Variants in ZCWPW2 observed in about 807,000 individuals in gnomAD.
ZCWPW2 encodes the protein zinc finger CW-type PWWP domain protein 2.
In ZCWPW2, 45 loss-of-function variants were observed where a neutral mutation model predicts 46.6. The observed-to-expected ratio is 0.96, with a 90% CI of 0.76 to 1.24. ZCWPW2 has a LOEUF of 1.24. Among genes scored for constraint, ZCWPW2 ranks in the 50% most tolerant of loss-of-function variants. The pLI, the probability that ZCWPW2 is intolerant of heterozygous loss-of-function variation, is 0.00. For synonymous variants in ZCWPW2, 152 were observed against 137.1 expected (o/e 1.11, Z -0.76); for missense variants, 429 against 403.9 (o/e 1.06, Z -0.53).
rs753989697 is a variant in ZCWPW2, at chr3:28,349,295, G to A, written c.-134+92G>A. 4 of 785,470 alleles carry A rather than the reference G, an allele frequency of 5.1e-6. 1 individual carries two copies. Among genetic ancestry groups the A allele is most frequent in the Admixed American group, 1.2e-4 (2 of 16,032 alleles). The allele number at this position is 785,470 out of a possible 1,614,324, so 48.7% of individuals were successfully genotyped here. On this transcript the variant is annotated intron_variant, in intron 1 of 9. Transcript: ENST00000383768. The stretch of plus-strand genomic sequence containing the variant: ...GTCTTTTTCACTCAGTGTCCTTTTG[G>A]GGGGTCCCCGGGCCGTGTGGTGCGT...
rs571632135 is a variant in ZCWPW2, at chr3:28,409,609, G to C, written c.-13-3447G>C. On this transcript the variant is annotated intron_variant, in intron 2 of 9. Coordinates refer to ENST00000383768, the MANE Select transcript of ZCWPW2 (RefSeq NM_001040432.4). ...GCAAGAAATGAGATAAAGGCACAAA[G>C]GTCATCTGGATTAAAGCATTCTGTT... Among the ~76,000 whole-genome samples the C allele has an allele frequency of 1.5e-4, 23 of 152,202 alleles. No homozygotes were observed. In the East Asian group the frequency reaches 4.2e-3, roughly 28 times the overall value.
At chr3:28,429,721 C>T (rs1697169441) in intron 3 of ZCWPW2, among the ~76,000 whole-genome samples, 1 of 152,136 alleles carries the variant, frequency 6.6e-6, no homozygotes, top group Non-Finnish European at 1.5e-5. Flanking sequence ...GGGCCCAGTG[C>T]CTTGCTGCTT....
intron 8 of ZCWPW2, 141 bp from the exon 9 acceptor site, chr3:28,520,851 C>A: frequency 1.0e-6 from 1 of 953,238 alleles, no homozygotes; most frequent in Non-Finnish European, 1.5e-6. Flanking sequence ...AGGAAGAAGT[C>A]ATGTATGAAA....
At chr3:28,399,401 C>T (rs971622453) in intron 2 of ZCWPW2, among the ~76,000 whole-genome samples, 5 of 152,114 alleles carry the variant, frequency 3.3e-5, no homozygotes, top group South Asian at 4.1e-4. Flanking sequence ...TAGGGCCCCA[C>T]CCACCACCTG....
chr3:28,363,647 C>G (rs1389886818), intron 1 of ZCWPW2, among the ~76,000 whole-genome samples: 3 of 152,206 alleles, frequency 2.0e-5, no homozygotes, highest in Middle Eastern at 6.8e-3. Flanking sequence ...TTATCAAGCT[C>G]TCACTCTCCA....
At position 28,364,079 on chromosome 3, in the gene ZCWPW2, T is replaced by A. The variant is rs759417283; in HGVS notation, c.-134+14876T>A. Among the ~76,000 whole-genome samples, 87 of 152,192 alleles carry A rather than the reference T, an allele frequency of 5.7e-4. 1 individual carries two copies. The highest frequency in any genetic ancestry group is 1.1e-3 in the Non-Finnish European group (73 of 68,026). ...CTGTTAAATGTAAGTAGCATCACAG[T>A]AAGATCACTACACACCAGAATGGCT... On this transcript the variant is annotated intron_variant, in intron 1 of 9. Transcript: ENST00000383768.
intron 5 of ZCWPW2, among the ~76,000 whole-genome samples, chr3:28,490,757 C>G (rs956588532): frequency 6.6e-6 from 1 of 151,848 alleles, no homozygotes; most frequent in Non-Finnish European, 1.5e-5. Context: ...ACCCCTGAAA[C>G]TAAAAGTTTA....
intron 3 of ZCWPW2, among the ~76,000 whole-genome samples, chr3:28,425,178 A>G (rs537213481): frequency 6.6e-6 from 1 of 152,338 alleles, no homozygotes; most frequent in South Asian, 2.1e-4. Flanking sequence ...CTAATCTATG[A>G]TTAGGGACAT....
At chr3:28,506,930 C>T (rs1197176739) in intron 6 of ZCWPW2, among the ~76,000 whole-genome samples, 1 of 152,120 alleles carries the variant, frequency 6.6e-6, no homozygotes, top group South Asian at 2.1e-4. Context: ...AATCTTCCCT[C>T]AAATACTTTG....
At chr3:28,360,349 C>CAAAAAAA (rs71087692) in intron 1 of ZCWPW2, among the ~76,000 whole-genome samples, 978 of 53,926 alleles carry the variant, frequency 0.018, no homozygotes, top group Middle Eastern at 0.038. Flanking sequence ...ACTAAAAATA[C>CAAAAAAA]AAAAAAAAAA....
intron 1 of ZCWPW2, among the ~76,000 whole-genome samples, chr3:28,377,480 C>T (rs1209467367): frequency 6.6e-6 from 1 of 151,982 alleles, no homozygotes. Context: ...GCTCAAGATT[C>T]TATTTTTTGT....
intron 2 of ZCWPW2, 48 bp downstream of exon 2, chr3:28,390,665 T>G: frequency 7.1e-6 from 7 of 983,926 alleles, no homozygotes; most frequent in Non-Finnish European, 8.4e-6. Flanking sequence ...TACATAAGCA[T>G]TTTTATTCCC....
At chr3:28,440,807 T>G (rs1043651467) in intron 4 of ZCWPW2, among the ~76,000 whole-genome samples, 6 of 152,206 alleles carry the variant, frequency 3.9e-5, no homozygotes, top group African/African-American at 1.4e-4. Context: ...AAGCATTGTG[T>G]GCAGGTTAGG....
chr3:28,423,246 G>T (rs1696868261), intron 3 of ZCWPW2, among the ~76,000 whole-genome samples: 1 of 150,952 alleles, frequency 6.6e-6, no homozygotes, highest in African/African-American at 2.4e-5. Context: ...CATGGTTGGT[G>T]CCTTTGATGT....
chr3:28,419,783 A>G (rs1275644670), intron 3 of ZCWPW2, among the ~76,000 whole-genome samples: 1 of 54,552 alleles, frequency 1.8e-5, no homozygotes, highest in Non-Finnish European at 3.5e-5. Flanking sequence ...AGGGATATGG[A>G]TGAAGCTGGA....
chr3:28,364,233 A>G (rs1436618588), intron 1 of ZCWPW2, among the ~76,000 whole-genome samples: 1 of 152,220 alleles, frequency 6.6e-6, no homozygotes, highest in Non-Finnish European at 1.5e-5. Flanking sequence ...TCTATTATGT[A>G]TGACCCAGCA....
intron 5 of ZCWPW2, among the ~76,000 whole-genome samples, chr3:28,484,608 G>T (rs1323861366): frequency 6.6e-6 from 1 of 152,004 alleles, no homozygotes; most frequent in East Asian, 1.9e-4. Context: ...ATGTCCATGG[G>T]ATTTGTTATA....
chr3:28,510,064 A>G (rs948966119), intron 6 of ZCWPW2, among the ~76,000 whole-genome samples: 1 of 152,190 alleles, frequency 6.6e-6, no homozygotes, highest in African/African-American at 2.4e-5. Flanking sequence ...TGAAAAGACT[A>G]TTCTTTTCTT....
At chr3:28,423,729 A>G (rs554459951) in intron 3 of ZCWPW2, among the ~76,000 whole-genome samples, 10 of 151,964 alleles carry the variant, frequency 6.6e-5, no homozygotes, top group African/African-American at 1.7e-4. Flanking sequence ...CACTTTTCCA[A>G]CACTTGCAGA....
Sources: allele counts gnomAD v4.1 joint callset (sites outside exome capture counted in the v4.1 genomes callset), GRCh38; gene constraint gnomAD v4.1.1; transcripts MANE v1.5; gene names NCBI Gene and HGNC (gene_info 2026-07-23, HGNC 2026-07-21).